PHF13: variants seen among roughly 807,000 people sequenced by gnomAD.
PHF13 encodes the protein PHD finger protein 13.
Under a neutral mutation model 25.8 loss-of-function variants are expected in PHF13, and 1 was observed. The ratio of observed to expected loss-of-function variants is 0.04; its 90% CI spans 0.01 to 0.18. PHF13 has a LOEUF of 0.18. Among genes scored for constraint, PHF13 ranks in the 10% least tolerant of loss-of-function variants. PHF13 has a pLI of 1.00. For synonymous variants in PHF13, 195 were observed against 162.4 expected, an observed-to-expected ratio of 1.20 and a Z score of -1.53; for missense variants, 306 against 403.2, an observed-to-expected ratio of 0.76 and a Z score of 2.06.
Position 6,621,919 on chromosome 1 carries a change from T to C in PHF13, c.*282T>C. The C allele has an allele frequency of 2.0e-6, 1 of 502,402 alleles. No individual in the cohort carries two copies. Among genetic ancestry groups the C allele is most frequent in the South Asian group, 2.1e-5 (1 of 47,158 alleles). The allele number at this position is 502,402 out of a possible 1,614,324, so 31.1% of individuals were successfully genotyped here. A position where few individuals can be genotyped will look rare whatever the true frequency, so the allele number is the denominator to read the frequency against. On this transcript the variant is annotated 3_prime_UTR_variant, in exon 4 of 4. Transcript: ENST00000377648. This position sits in a 1 kb window ranked among gnomAD's most constrained non-coding sequence, Gnocchi z 4.8. ...GGTTTGGCTCATTTGAAAATGAGGG[T>C]CCGTGGTAGCTGTGCGTTTTGCTAT...
intron 2 of PHF13, among the ~76,000 whole-genome samples, chr1:6,617,974 C>G (rs1040553344): frequency 6.6e-6 from 1 of 152,172 alleles, no homozygotes; most frequent in Non-Finnish European, 1.5e-5. Context: ...TCCCTGGCTG[C>G]CCGAAATGCG....
At chr1:6,615,311 G>A (rs1641243841) in intron 1 of PHF13, among the ~76,000 whole-genome samples, 1 of 152,234 alleles carries the variant, frequency 6.6e-6, no homozygotes, top group East Asian at 1.9e-4. Flanking sequence ...TGGAGGCCCG[G>A]GTGGCGGCCC....
intron 2 of PHF13, among the ~76,000 whole-genome samples, chr1:6,617,767 G>C (rs148789321): frequency 6.6e-6 from 1 of 152,182 alleles, no homozygotes; most frequent in Non-Finnish European, 1.5e-5. Flanking sequence ...GTTACTGACT[G>C]TTGACCATAG....
intron 3 of PHF13, 129 bp downstream of exon 3, chr1:6,620,466 C>A: frequency 1.9e-6 from 2 of 1,060,418 alleles, no homozygotes; most frequent in Non-Finnish European, 2.7e-6. Context: ...CCCCACTGTC[C>A]AAGGAGGAGA....
intron 3 of PHF13, among the ~76,000 whole-genome samples, chr1:6,620,849 C>A (rs994773663): frequency 6.6e-6 from 1 of 151,510 alleles, no homozygotes; most frequent in African/African-American, 2.4e-5. Context: ...GAAACCCCGA[C>A]TCTACTAAAG....
chr1:6,613,987 G>T lies in PHF13; in HGVS notation c.-80G>T, dbSNP rs1641210401. 3 of 1,035,828 alleles carry T rather than the reference G, an allele frequency of 2.9e-6. No individual in the cohort carries two copies. The highest frequency in any genetic ancestry group is 1.7e-5 in the African/African-American group (1 of 57,380). The allele number at this position is 1,035,828 out of a possible 1,614,324, so 64.2% of individuals were successfully genotyped here. On this transcript the variant is annotated 5_prime_UTR_variant, in exon 1 of 4. Coordinates refer to ENST00000377648, the MANE Select transcript of PHF13 (RefSeq NM_153812.3). Reference sequence around the variant, plus strand: ...CCGCCCTCGCCCTGCGCAGCCGCCCGAGCCCCCAGCCCCGGGCGGCCCCGC... The same window carrying T: ...CCGCCCTCGCCCTGCGCAGCCGCCCTAGCCCCCAGCCCCGGGCGGCCCCGC...
Position 6,621,285 on chromosome 1 carries a change from T to G in PHF13, c.677-126T>G. On this transcript the variant is annotated intron_variant, in intron 3 of 3. Coordinates refer to ENST00000377648, the MANE Select transcript of PHF13 (RefSeq NM_153812.3). This position sits in a 1 kb window ranked among gnomAD's most constrained non-coding sequence, Gnocchi z 4.8. ...CCCCTCGTGCCTTTTCAGAGAGAAG[T>G]GTCAGCTTCGAGTGGCAGTTGGAAG... is the stretch of plus-strand genomic sequence containing the variant. The G allele has an allele frequency of 2.1e-6, 2 of 964,394 alleles. No individual in the cohort carries two copies. The highest frequency in any genetic ancestry group is 4.2e-5 in the Admixed American group (2 of 47,280). The allele number at this position is 964,394 out of a possible 1,614,324, so 59.7% of individuals were successfully genotyped here. A position where few individuals can be genotyped will look rare whatever the true frequency, so the allele number is the denominator to read the frequency against.
At chr1:6,614,233 C>T in intron 1 of PHF13, 128 bp downstream of exon 1, 2 of 702,390 alleles carry the variant, frequency 2.8e-6, no homozygotes, top group Non-Finnish European at 4.8e-6. Flanking sequence ...CTCGTCGGCC[C>T]CCCCGGGAGC....
rs1304929407 is a variant in PHF13 at position 6,623,900 on chromosome 1, G to A, written c.*2263G>A. The stretch of plus-strand genomic sequence containing the variant: ...CCAGACACTTCACATCGTTTACATG[G>A]TTCTGTGTAATTTTAAAGTTTATGT... On this transcript the variant is annotated 3_prime_UTR_variant, in exon 4 of 4. Transcript: ENST00000377648. 1 of 152,660 alleles carries A rather than the reference G, an allele frequency of 6.6e-6. No individual in the cohort carries two copies. Among genetic ancestry groups the A allele is most frequent in the Non-Finnish European group, 1.5e-5 (1 of 68,042 alleles). The allele number at this position is 152,660 out of a possible 1,614,324, so 9.5% of individuals were successfully genotyped here.
chr1:6,615,209 G>A (rs1228046607), intron 1 of PHF13, among the ~76,000 whole-genome samples: 3 of 151,894 alleles, frequency 2.0e-5, no homozygotes, highest in African/African-American at 7.2e-5. Flanking sequence ...GCGCGCCCCC[G>A]GCCCGAGGCC....
At chr1:6,617,058 A>G (rs555454857) in intron 2 of PHF13, among the ~76,000 whole-genome samples, 200 bp downstream of exon 2, 8 of 152,218 alleles carry the variant, frequency 5.3e-5, no homozygotes, top group Non-Finnish European at 1.2e-4. Flanking sequence ...AAACTCTGGT[A>G]AAAACTCTGG....
In PHF13 at chr1:6,623,313, A is replaced by G. The variant is rs1641373826; in HGVS notation, c.*1676A>G. The G allele has an allele frequency of 6.6e-6, 1 of 152,638 alleles. No homozygotes were observed. The highest frequency in any genetic ancestry group is 1.5e-5 in the Non-Finnish European group (1 of 68,050). 9.5% of individuals were successfully genotyped at this position (152,638 alleles called of 1,614,324 possible). A position where few individuals can be genotyped will look rare whatever the true frequency, so the allele number is the denominator to read the frequency against. ...CGAAACTAGAGAGAAATAGTTTCTG[A>G]AGCCAGTTTATTGTGAAGATCCCCA... On this transcript the variant is annotated 3_prime_UTR_variant, in exon 4 of 4. Transcript: ENST00000377648.
At chr1:6,614,387 T>G in intron 1 of PHF13, 1 of 380,232 alleles carries the variant, frequency 2.6e-6, no homozygotes, top group East Asian at 5.6e-5. Context: ...GCCGCCCCTC[T>G]CCGGCCTCGC....
rs773209584 is a variant in PHF13 at position 6,619,952 on chromosome 1, C to A, written c.291C>A (p.Leu97=). The change falls in exon 3 of 4, where the codon CTC becomes CTA. Residue 97 remains leucine, a synonymous_variant. Transcript: ENST00000377648. ...DRCFSHLQPT[L]LQRAKPSNFL... ...GCTTTAGCCACCTGCAGCCTACTCT[C>A]TTGCAGCGAGCCAAGCCCAGTAACT... 16 of 1,613,830 alleles carry A rather than the reference C, an allele frequency of 9.9e-6. No homozygotes were observed. The highest frequency in any genetic ancestry group is 1.6e-4 in the Middle Eastern group (1 of 6,084).
In PHF13 at chr1:6,623,262, T is replaced by TG. The variant is rs1641372897; in HGVS notation, c.*1625_*1626insG. The TG allele has an allele frequency of 6.6e-6, 1 of 152,500 alleles. No homozygotes were observed. The highest frequency in any genetic ancestry group is 2.4e-5 in the African/African-American group (1 of 41,474). The allele number at this position is 152,500 out of a possible 1,614,324, so 9.4% of individuals were successfully genotyped here. On this transcript the variant is annotated 3_prime_UTR_variant, in exon 4 of 4. Coordinates refer to ENST00000377648, the MANE Select transcript of PHF13 (RefSeq NM_153812.3). ...CACTTGTCCAACCGTCTTATTTTTT[T>TG]AAAAGTTCTGTTGCTTGTATTAACA...
At chr1:6,616,645 G>T (rs1641265231) in intron 1 of PHF13, 112 bp from the exon 2 acceptor site, 1 of 833,684 alleles carries the variant, frequency 1.2e-6, no homozygotes, top group Non-Finnish European at 2.1e-6. Flanking sequence ...TAAATCTAAC[G>T]GTATTTTTTG....
At position 6,614,104 on chromosome 1, in the gene PHF13, A is replaced by G. The variant is rs1641214331; in HGVS notation, c.38A>G (p.Glu13Gly). ...SDSCAAAFHP[E>G]EYSPSCKRRR... Reference sequence around the variant, plus strand: ...TCTTGCGCCGCCGCCTTCCACCCGGAGGTGAGTGAAGCTGTGCGTCCGAAT... The same window carrying G: ...TCTTGCGCCGCCGCCTTCCACCCGGGGGTGAGTGAAGCTGTGCGTCCGAAT... The change falls in exon 1 of 4, where the codon GAG becomes GGG. Residue 13 changes from glutamate (E) to glycine (G), a missense_variant and splice_region_variant. Transcript: ENST00000377648. 1.3e-6 allele frequency: 2 copies of G among 1,589,956 alleles called. No homozygotes were observed. The highest frequency in any genetic ancestry group is 2.2e-5 in the South Asian group (2 of 89,588).
rs1641313200 is a variant in PHF13 at position 6,619,925 on chromosome 1, C to T, written c.264C>T (p.Arg88=). ...ASSVPLPVSD[R]CFSHLQPTLL... is the part of the protein sequence containing the mutation. ...CAGTGCCCTTGCCAGTCTCTGACCG[C>T]TGCTTTAGCCACCTGCAGCCTACTC... The change falls in exon 3 of 4, where the codon CGC becomes CGT. Residue 88 remains arginine (R), a synonymous_variant. Transcript: ENST00000377648. 3 of 1,613,904 alleles carry T rather than the reference C, an allele frequency of 1.9e-6. No homozygotes were observed. The highest frequency in any genetic ancestry group is 1.3e-5 in the African/African-American group (1 of 74,924).
chr1:6,617,723 C>G (rs1477157486), intron 2 of PHF13, among the ~76,000 whole-genome samples: 2 of 152,216 alleles, frequency 1.3e-5, no homozygotes, highest in Non-Finnish European at 2.9e-5. Flanking sequence ...GCCACTGCAC[C>G]TGGCTGTCTG....
Sources: gnomAD v4.1 joint callset for allele counts (sites outside exome capture counted in the v4.1 genomes callset) on GRCh38, gnomAD v4.1.1 for gene constraint, Gnocchi (gnomAD v3.1) non-coding constraint, MANE v1.5 for transcripts, NCBI Gene and HGNC (gene_info 2026-07-23, HGNC 2026-07-21) for gene names.